SORCS3: variants seen among roughly 807,000 people sequenced by gnomAD.
SORCS3 encodes the protein sortilin related VPS10 domain containing receptor 3, also known as VPS10 domain-containing receptor SorCS3.
Under a neutral mutation model 146.3 loss-of-function variants are expected in SORCS3, and 57 were observed. That is an observed-to-expected ratio of 0.39 (90% confidence interval 0.31 to 0.49). The LOEUF is 0.49. SORCS3 is among the 20% of genes least tolerant of loss of function. The probability of loss-of-function intolerance (pLI) is 0.92; values close to 1 mark genes in which losing one functional copy is unlikely to be tolerated. For missense variants in SORCS3, 1,341 were observed against 1,575.5 expected (o/e 0.85, Z 2.52); for synonymous variants, 653 against 618.5 (o/e 1.06, Z -0.83).
At chr10:104,876,549 G>T (rs1004436978) in intron 2 of SORCS3, among the ~76,000 whole-genome samples, 4 of 152,154 alleles carry the variant, frequency 2.6e-5, no homozygotes, top group Admixed American at 2.6e-4. Context: ...GAAAGAGAGA[G>T]CCTGGGTTGA....
chr10:104,695,447 C>G (rs1438703594), intron 1 of SORCS3, among the ~76,000 whole-genome samples: 1 of 151,296 alleles, frequency 6.6e-6, no homozygotes, highest in Non-Finnish European at 1.5e-5. Context: ...AAGAACATTT[C>G]TTGTAGGTGG....
intron 13 of SORCS3, among the ~76,000 whole-genome samples, chr10:105,170,168 C>G (rs1433544566): frequency 6.6e-6 from 1 of 152,074 alleles, no homozygotes; most frequent in Non-Finnish European, 1.5e-5. Context: ...ATATTGGCAT[C>G]CTTACATCTA....
chr10:104,734,003 A>T (rs1193400297), intron 1 of SORCS3, among the ~76,000 whole-genome samples: 1 of 152,204 alleles, frequency 6.6e-6, no homozygotes, highest in East Asian at 1.9e-4. Context: ...ATCTGCCCTC[A>T]TGCAATAGGA....
chr10:104,780,657 A>T (rs1290408668), intron 1 of SORCS3, among the ~76,000 whole-genome samples: 2 of 152,214 alleles, frequency 1.3e-5, no homozygotes, highest in Non-Finnish European at 2.9e-5. Context: ...TCTGGGTGGG[A>T]TGGGAGATAA....
intron 5 of SORCS3, among the ~76,000 whole-genome samples, chr10:105,043,667 G>A (rs1045844432): frequency 2.0e-5 from 3 of 152,118 alleles, no homozygotes; most frequent in Non-Finnish European, 4.4e-5. Flanking sequence ...CTCTGGAGAA[G>A]TGCTGAATGA....
At chr10:104,808,117 G>C (rs1420601738) in intron 1 of SORCS3, among the ~76,000 whole-genome samples, 1 of 152,294 alleles carries the variant, frequency 6.6e-6, no homozygotes, top group East Asian at 1.9e-4. Context: ...TGGGTGGGGG[G>C]AGTGAGAGCA....
intron 3 of SORCS3, among the ~76,000 whole-genome samples, chr10:104,970,189 C>G (rs1564724988): frequency 6.6e-6 from 1 of 152,130 alleles, no homozygotes. Context: ...GCCTGCCACC[C>G]AGGCTGGAGT....
Position 105,178,102 on chromosome 10 carries a change from T to C in SORCS3, c.1938T>C (p.Tyr646=), listed in dbSNP as rs750565984. The C allele has an allele frequency of 2.5e-6, 4 of 1,613,632 alleles. No homozygotes were observed. The highest frequency in any genetic ancestry group is 1.3e-5 in the African/African-American group (1 of 75,004). Residue 646 remains tyrosine, a synonymous_variant, in exon 14 of 27, where the codon TAT becomes TAC. Coordinates refer to ENST00000369701, the MANE Select transcript of SORCS3 (RefSeq NM_014978.3). ...SFDEGHSWDK[Y]GFTSVPLFVD... ...ATGAGGGCCACTCTTGGGACAAGTA[T>C]GGTTTCACTTCGGTTCCTCTCTTTG...
chr10:105,168,593 C>T (rs1247905858), intron 13 of SORCS3, among the ~76,000 whole-genome samples: 1 of 152,030 alleles, frequency 6.6e-6, no homozygotes, highest in Non-Finnish European at 1.5e-5. Flanking sequence ...GGGAGATAAA[C>T]AAGTTTAGAG....
At chr10:105,085,125 G>T (rs549585554) in intron 5 of SORCS3, among the ~76,000 whole-genome samples, 2 of 152,252 alleles carry the variant, frequency 1.3e-5, no homozygotes, top group Non-Finnish European at 2.9e-5. Context: ...CCACAACTGT[G>T]TGAGAGTGTT....
chr10:104,993,706 T>C (rs1261436183), intron 4 of SORCS3, among the ~76,000 whole-genome samples: 1 of 152,188 alleles, frequency 6.6e-6, no homozygotes, highest in Non-Finnish European at 1.5e-5. Context: ...ATTTCATTAG[T>C]AGATCATTAC....
Position 104,809,131 on chromosome 10 carries a change from G to GA in SORCS3, c.628-33660dup, listed in dbSNP as rs537706572. On this transcript the variant is annotated intron_variant, in intron 1 of 26. Coordinates refer to ENST00000369701, the MANE Select transcript of SORCS3 (RefSeq NM_014978.3). ...TCAGTTTCAAATGTCTTGAGTTTTA[G>GA]ATACCTTTAGGATATACAAATAGGA... Among the ~76,000 whole-genome samples, 57 of 152,290 alleles carry GA rather than the reference G, an allele frequency of 3.7e-4. No homozygotes were observed. In the South Asian group the frequency reaches 0.012, roughly 32 times the overall value.
chr10:104,948,418 G>A (rs1198450750), intron 3 of SORCS3, among the ~76,000 whole-genome samples: 2 of 152,194 alleles, frequency 1.3e-5, no homozygotes, highest in African/African-American at 2.4e-5. Context: ...AGAAAAATGG[G>A]CAAGGACTCT....
intron 1 of SORCS3, among the ~76,000 whole-genome samples, chr10:104,833,029 T>C (rs2018019162): frequency 6.6e-6 from 1 of 152,184 alleles, no homozygotes. Flanking sequence ...TTTTCACAAG[T>C]CCACTCAAGC....
At chr10:105,076,773 T>G (rs185244218) in intron 5 of SORCS3, among the ~76,000 whole-genome samples, 1 of 152,256 alleles carries the variant, frequency 6.6e-6, no homozygotes, top group Admixed American at 6.5e-5. Flanking sequence ...GTTCCCAGAG[T>G]GCTTACACAC....
chr10:104,788,251 G>A (rs1044962275), intron 1 of SORCS3, among the ~76,000 whole-genome samples: 1 of 152,148 alleles, frequency 6.6e-6, no homozygotes, highest in Non-Finnish European at 1.5e-5. Flanking sequence ...TTGCATTGTG[G>A]GTTCTGAGGA....
chr10:104,697,125 G>A (rs1350944954), intron 1 of SORCS3, among the ~76,000 whole-genome samples: 1 of 151,852 alleles, frequency 6.6e-6, no homozygotes, highest in Non-Finnish European at 1.5e-5. Flanking sequence ...TTCAATTTTT[G>A]TTTGACAAGT....
intron 4 of SORCS3, among the ~76,000 whole-genome samples, chr10:104,986,578 A>G (rs572676023): frequency 7.2e-5 from 11 of 152,262 alleles, no homozygotes; most frequent in Admixed American, 2.0e-4. Context: ...TGCCTTCCTT[A>G]CTGAGCTTAA....
chr10:104,999,362 G>A (rs1049670663), intron 4 of SORCS3, among the ~76,000 whole-genome samples: 1 of 152,150 alleles, frequency 6.6e-6, no homozygotes, highest in Admixed American at 6.6e-5. Flanking sequence ...GTTTGAGGGA[G>A]CTCAATCCCT....
Sources: allele counts gnomAD v4.1 joint callset (sites outside exome capture counted in the v4.1 genomes callset), GRCh38; gene constraint gnomAD v4.1.1; transcripts MANE v1.5; gene names NCBI Gene and HGNC (gene_info 2026-07-23, HGNC 2026-07-21).